GPHN: variants seen among roughly 807,000 people sequenced by gnomAD.
GPHN encodes gephyrin.
In GPHN, 17 loss-of-function variants were observed where a neutral mutation model predicts 95.5. The ratio of observed to expected loss-of-function variants is 0.18; its 90% CI spans 0.12 to 0.27. The LOEUF (loss-of-function observed/expected upper bound fraction) is 0.27, where lower values mean the gene tolerates loss of function less well. GPHN is among the 10% of genes least tolerant of loss of function. GPHN has a pLI of 1.00. For missense variants in GPHN, 660 were observed against 978.1 expected, an observed-to-expected ratio of 0.67 and a Z score of 4.34; for synonymous variants, 320 against 322.5, an observed-to-expected ratio of 0.99 and a Z score of 0.08.
chr14:66,826,019 T>C (rs1348746717), intron 4 of GPHN, among the ~76,000 whole-genome samples: 3 of 152,232 alleles, frequency 2.0e-5, no homozygotes, highest in African/African-American at 7.2e-5. Flanking sequence ...CTGTCTTAAG[T>C]GTTTTAGTAA....
At chr14:66,854,686 C>T (rs1330383238) in intron 4 of GPHN, among the ~76,000 whole-genome samples, 2 of 152,054 alleles carry the variant, frequency 1.3e-5, no homozygotes, top group Non-Finnish European at 2.9e-5. Context: ...AAAAGTTTTC[C>T]ATGCTATATC....
the GPHN span, among the ~76,000 whole-genome samples, chr14:67,407,783 G>C: frequency 1.3e-5 from 2 of 152,206 alleles, no homozygotes; most frequent in South Asian, 4.2e-4. Flanking sequence ...GCACAGAAAG[G>C]TCTTGCCCAA....
the GPHN span, among the ~76,000 whole-genome samples, chr14:67,695,367 C>T: frequency 1.3e-5 from 2 of 152,154 alleles, no homozygotes; most frequent in South Asian, 4.1e-4. Context: ...GAGCCAGAAT[C>T]AGGGGGTGCT....
At chr14:67,690,799 A>G in the GPHN span, 2 of 372,006 alleles carry the variant, frequency 5.4e-6, no homozygotes, top group South Asian at 3.2e-5. Flanking sequence ...CCTGGGCAAC[A>G]TAGCAAGACC....
chr14:67,636,261 CAA>C, the GPHN span, among the ~76,000 whole-genome samples: 3 of 142,686 alleles, frequency 2.1e-5, no homozygotes, highest in African/African-American at 7.7e-5. Context: ...CTTATGCTGT[CAA>C]AAAAAAAAAC....
At chr14:67,471,379 T>C in the GPHN span, 1 of 152,016 alleles carries the variant, frequency 6.6e-6, no homozygotes, top group Non-Finnish European at 1.5e-5. Flanking sequence ...CCTGAAGGGG[T>C]GCTGGGAGAC....
At chr14:67,099,908 G>A (rs1427308362) in intron 12 of GPHN, among the ~76,000 whole-genome samples, 2 of 151,888 alleles carry the variant, frequency 1.3e-5, no homozygotes, top group African/African-American at 4.8e-5. Flanking sequence ...ATAACATGAA[G>A]GTAATGGTCA....
chr14:67,707,954 A>G, the GPHN span, among the ~76,000 whole-genome samples: 2 of 152,322 alleles, frequency 1.3e-5, no homozygotes, highest in South Asian at 2.1e-4. Context: ...TTTGATTCCA[A>G]GGGAAAGCAC....
the GPHN span, among the ~76,000 whole-genome samples, chr14:67,682,933 T>C: frequency 6.6e-6 from 1 of 152,260 alleles, no homozygotes; most frequent in Non-Finnish European, 1.5e-5. Context: ...TGCTTTAGCA[T>C]GGATGACCCT....
At chr14:67,248,642 C>T in the GPHN span, among the ~76,000 whole-genome samples, 1 of 152,124 alleles carries the variant, frequency 6.6e-6, no homozygotes, top group Non-Finnish European at 1.5e-5. Context: ...CAGGGGTCAA[C>T]AACTTTCGGT....
chr14:66,827,844 C>A lies in GPHN; in HGVS notation c.294+3278C>A, dbSNP rs542965118. Among the ~76,000 whole-genome samples the A allele has an allele frequency of 3.4e-4, 51 of 151,900 alleles. No individual in the cohort carries two copies. The South Asian group carries it at 8.3e-3, about 25-fold the overall frequency. On this transcript the variant is annotated intron_variant, in intron 4 of 22. Coordinates refer to ENST00000478722, the MANE Select transcript of GPHN (RefSeq NM_020806.5). ...CTATTCTAGTATCTAGGTTTTGTTT[C>A]TTTTCTTTTTTGGCACTACTAGTTG...
chr14:67,600,252 C>G, the GPHN span: 1 of 1,452,696 alleles, frequency 6.9e-7, no homozygotes, highest in Non-Finnish European at 9.1e-7. Context: ...ACTGCGCTCG[C>G]CGGCCCTGGC....
chr14:67,562,623 A>G, the GPHN span: 1 of 1,613,048 alleles, frequency 6.2e-7, no homozygotes, highest in Non-Finnish European at 8.5e-7. Flanking sequence ...GCCAAAAGGC[A>G]CCACAGCCAG....
the GPHN span, among the ~76,000 whole-genome samples, chr14:67,439,963 T>C: frequency 0.11 from 16,550 of 152,080 alleles, 2,295 homozygotes; most frequent in African/African-American, 0.31. Flanking sequence ...CTCAGCCTCC[T>C]GAGTAGCTGG....
chr14:67,414,810 C>A, the GPHN span, among the ~76,000 whole-genome samples: 1 of 152,234 alleles, frequency 6.6e-6, no homozygotes, highest in Non-Finnish European at 1.5e-5. Context: ...TTACCGGAAT[C>A]ACAGAATCAG....
chr14:67,618,604 C>T, the GPHN span, among the ~76,000 whole-genome samples: 2 of 151,944 alleles, frequency 1.3e-5, no homozygotes, highest in Admixed American at 6.6e-5. Flanking sequence ...TGGTCTCAAA[C>T]TCCTGGGCTC....
chr14:66,669,166 C>G (rs984627285), intron 1 of GPHN, among the ~76,000 whole-genome samples: 1 of 152,068 alleles, frequency 6.6e-6, no homozygotes, highest in African/African-American at 2.4e-5. Context: ...GAGTTCGAGG[C>G]CAGCCTGGCC....
downstream of GPHN, among the ~76,000 whole-genome samples, chr14:67,183,021 G>C (rs185405543): frequency 5.9e-5 from 9 of 151,732 alleles, no homozygotes; most frequent in Middle Eastern, 6.8e-3. Flanking sequence ...GATGCTATTG[G>C]GTCTTGAAGG....
chr14:67,177,905 T>C (rs937471120), intron 21 of GPHN, among the ~76,000 whole-genome samples: 1 of 152,212 alleles, frequency 6.6e-6, no homozygotes, highest in African/African-American at 2.4e-5. Flanking sequence ...GTTTTTTGCT[T>C]TCCATTTGCT....
Sources: allele counts gnomAD v4.1 joint callset (sites outside exome capture counted in the v4.1 genomes callset), GRCh38; gene constraint gnomAD v4.1.1; transcripts MANE v1.5; gene names NCBI Gene and HGNC (gene_info 2026-07-23, HGNC 2026-07-21).